The following SRP19 variants were observed in gnomAD, a reference collection of about 807,000 sequenced individuals.
SRP19 encodes the protein signal recognition particle 19 kDa protein.
Under a neutral mutation model 22.4 loss-of-function variants are expected in SRP19, and 11 were observed. That is an observed-to-expected ratio of 0.49 (90% CI 0.31 to 0.81). SRP19 has a LOEUF of 0.81. Among genes scored for constraint, SRP19 ranks in the 40% least tolerant of loss-of-function variants. SRP19 has a pLI of 0.05. For synonymous variants in SRP19, 61 were observed against 57.6 expected (o/e 1.06, Z -0.27); for missense variants, 168 against 175.9 (o/e 0.96, Z 0.25).
chr5:112,896,085 G>C (rs1768671511), downstream of SRP19: 1 of 152,666 alleles, frequency 6.6e-6, no homozygotes, highest in African/African-American at 2.4e-5. Flanking sequence ...ACGGAACTGA[G>C]AGTTAATGTC....
At chr5:112,878,006 TGTG>T (rs1767950546) in intron 4 of SRP19, 1 of 148,886 alleles carries the variant, frequency 6.7e-6, no homozygotes, top group Admixed American at 6.9e-5. Flanking sequence ...TGTGTGTGTG[TGTG>T]TGTGTGTGTG....
chr5:112,873,891 C>CT (rs1165069001), downstream of SRP19, among the ~76,000 whole-genome samples: 28 of 151,888 alleles, frequency 1.8e-4, no homozygotes, highest in African/African-American at 6.5e-4. Context: ...GGCCTGGGTG[C>CT]TGTGGCTCAC....
intron 4 of SRP19, among the ~76,000 whole-genome samples, chr5:112,889,354 G>T (rs1220584656): frequency 6.6e-6 from 1 of 150,574 alleles, no homozygotes; most frequent in Non-Finnish European, 1.5e-5. Flanking sequence ...TGAAAATAAA[G>T]TTATGGGAAA....
chr5:112,877,828 G>A (rs1354716786), intron 4 of SRP19: 1 of 152,174 alleles, frequency 6.6e-6, no homozygotes, highest in Non-Finnish European at 1.5e-5. Context: ...AGAAGATTGG[G>A]AAAGAAGACT....
chr5:112,877,568 A>G (rs1233028981), intron 4 of SRP19: 2 of 152,178 alleles, frequency 1.3e-5, no homozygotes, highest in Admixed American at 6.5e-5. Context: ...ATGGACTACA[A>G]GTGACTCTGA....
chr5:112,875,372 GTTTTTTT>G (rs5870515), intron 4 of SRP19, among the ~76,000 whole-genome samples: 1 of 142,944 alleles, frequency 7.0e-6, no homozygotes, highest in Admixed American at 7.0e-5. Flanking sequence ...TTTGTTTTTG[GTTTTTTT>G]TTTTTTTGAG....
chr5:112,862,333 C>T lies in SRP19; in HGVS notation c.42-175C>T. 7 of 665,336 alleles carry T rather than the reference C, an allele frequency of 1.1e-5. No individual in the cohort carries two copies. The South Asian group carries it at 1.1e-4, about 11-fold the overall frequency. 41.2% of individuals were successfully genotyped at this position (665,336 alleles called of 1,614,324 possible). A position where few individuals can be genotyped will look rare whatever the true frequency, so the allele number is the denominator to read the frequency against. ...CAGTCTGATTAGTTGCTCGAGGGGA[C>T]CACTCCGAGGTACTTTGATTTTTCA... is the stretch of plus-strand genomic sequence containing the variant. On this transcript the variant is annotated intron_variant, in intron 1 of 4. Transcript: ENST00000505459.
chr5:112,894,025 G>T (rs535946292), downstream of SRP19: 1 of 152,152 alleles, frequency 6.6e-6, no homozygotes, highest in Admixed American at 6.5e-5. Flanking sequence ...TGTTTCCTTG[G>T]CATAGTGCCA....
chr5:112,892,755 G>A lies in SRP19; in HGVS notation c.*1148G>A, dbSNP rs575903568. ...AGAACTCCGAGAGGAGGGAGAAGAT[G>A]GGCCACCACGACCACTACTACAGCA... On this transcript the variant is annotated 3_prime_UTR_variant, in exon 5 of 5. Transcript: ENST00000391338. 3.7e-6 allele frequency: 6 copies of A among 1,613,960 alleles called. No homozygotes were observed. The East Asian group carries it at 1.1e-4, about 30-fold the overall frequency.
At position 112,869,149 on chromosome 5, in the gene SRP19, G is replaced by T. The variant is rs185815019; in HGVS notation, c.*1612G>T. 1 of 152,352 alleles carries T rather than the reference G, an allele frequency of 6.6e-6. No individual in the cohort carries two copies. Among genetic ancestry groups the T allele is most frequent in the East Asian group, 1.9e-4 (1 of 5,186 alleles). 9.4% of individuals were successfully genotyped at this position (152,352 alleles called of 1,614,324 possible). A position where few individuals can be genotyped will look rare whatever the true frequency, so the allele number is the denominator to read the frequency against. ...GCCTCATATGTTAAATCCAAGTGAGGTTGCTGTGGTGGTTGGTTTAGCTCT... is the reference window on the plus strand; with the variant it reads ...GCCTCATATGTTAAATCCAAGTGAGTTTGCTGTGGTGGTTGGTTTAGCTCT... On this transcript the variant is annotated 3_prime_UTR_variant, in exon 5 of 5. Coordinates refer to ENST00000505459, the MANE Select transcript of SRP19 (RefSeq NM_003135.3).
intron 4 of SRP19, among the ~76,000 whole-genome samples, chr5:112,880,754 T>G (rs544117018): frequency 1.2e-4 from 18 of 152,176 alleles, no homozygotes; most frequent in African/African-American, 4.3e-4. Flanking sequence ...GAAATGTGGG[T>G]GAAGTAGACA....
intron 4 of SRP19, among the ~76,000 whole-genome samples, chr5:112,879,496 C>T (rs917712409): frequency 1.7e-4 from 26 of 152,222 alleles, no homozygotes; most frequent in African/African-American, 4.6e-4. Context: ...TTTTTTGAGA[C>T]GGAGTCTCGC....
downstream of SRP19, among the ~76,000 whole-genome samples, chr5:112,873,865 T>C (rs1389170533): frequency 6.6e-6 from 1 of 152,064 alleles, no homozygotes; most frequent in African/African-American, 2.4e-5. Context: ...AAAAGGTTGA[T>C]TATAAGTTGA....
At chr5:112,873,097 T>G (rs917558316), downstream of SRP19, among the ~76,000 whole-genome samples, 16 of 150,604 alleles carry the variant, frequency 1.1e-4, no homozygotes, top group East Asian at 2.7e-3. Flanking sequence ...TCTTTTTTTT[T>G]TTTTTTTTGC....
chr5:112,878,109 G>A (rs533230228), intron 4 of SRP19: 10 of 151,962 alleles, frequency 6.6e-5, no homozygotes, highest in African/African-American at 2.4e-4. Context: ...CATATACTAC[G>A]GAAACAACCA....
chr5:112,877,205 T>G (rs1421180127), intron 4 of SRP19: 3 of 152,220 alleles, frequency 2.0e-5, no homozygotes, highest in African/African-American at 7.2e-5. Context: ...ATTAGAGTGA[T>G]ACTGTCACTT....
chr5:112,875,940 G>A (rs1050429136), intron 4 of SRP19, among the ~76,000 whole-genome samples: 21 of 152,052 alleles, frequency 1.4e-4, no homozygotes, highest in African/African-American at 4.1e-4. Flanking sequence ...CCAGCTACTC[G>A]GGAGGCTGAG....
chr5:112,898,268 T>C (rs1022110200), exon 4 of SRP19: 1 of 152,214 alleles, frequency 6.6e-6, no homozygotes, highest in Non-Finnish European at 1.5e-5. Context: ...ATGCCACTAA[T>C]GTAGGAAGAA....
exon 5 of SRP19, chr5:112,892,020 G>A: frequency 4.5e-6 from 6 of 1,322,370 alleles, no homozygotes; most frequent in Non-Finnish European, 6.6e-6. Flanking sequence ...GAGAAGAGGA[G>A]GAGCAGAAAC....
Sources: gnomAD v4.1 joint callset for allele counts (sites outside exome capture counted in the v4.1 genomes callset) on GRCh38, gnomAD v4.1.1 for gene constraint, MANE v1.5 for transcripts, NCBI Gene and HGNC (gene_info 2026-07-23, HGNC 2026-07-21) for gene names.